Variants in LHPP observed in about 807,000 individuals in gnomAD.
The protein encoded by LHPP is phospholysine phosphohistidine inorganic pyrophosphate phosphatase.
LHPP carries 24 observed loss-of-function variants against 30.3 expected under a neutral mutation model. That is an observed-to-expected ratio of 0.79 (90% CI 0.57 to 1.11). LHPP has a LOEUF of 1.11. Ranked by LOEUF, LHPP falls within the 50% of genes most tolerant of loss-of-function variation. The pLI, the probability that LHPP is intolerant of heterozygous loss-of-function variation, is 0.00. For synonymous variants in LHPP, 150 were observed against 157.1 expected (o/e 0.95, Z 0.34); for missense variants, 356 against 367.2 (o/e 0.97, Z 0.25).
intron 5 of LHPP, among the ~76,000 whole-genome samples, chr10:124,516,950 A>G (rs1262306343): frequency 6.6e-6 from 1 of 152,096 alleles, no homozygotes. Context: ...ATTGATTTCA[A>G]ATTGCACAGA....
At position 124,478,736 on chromosome 10, in the gene LHPP, TG is replaced by T. The variant is rs2133836478; in HGVS notation, c.126-5402del. Among the ~76,000 whole-genome samples, 1 of 152,104 alleles carries T rather than the reference TG, an allele frequency of 6.6e-6. No homozygotes were observed. The highest frequency in any genetic ancestry group is 2.1e-4 in the South Asian group (1 of 4,818). ...AGAGGCTCGTCCTGGCCTGCTGAGA[TG>T]AGGTAAAGGTCAGTTCAAAGATCCA... On this transcript the variant is annotated intron_variant, in intron 1 of 6. Coordinates refer to ENST00000368842, the MANE Select transcript of LHPP (RefSeq NM_022126.4). The surrounding 1 kb of genome is among the most constrained non-coding windows in gnomAD (Gnocchi z 4.7).
rs1949231842 is a variant in LHPP, at chr10:124,613,546, C to A, written c.*186C>A. ...ACCAACCAAGGCCCTGACAGCCCTG[C>A]CTTCTGCCCTCTGCCCTGCATGGGC... On this transcript the variant is annotated 3_prime_UTR_variant, in exon 7 of 7. Coordinates refer to ENST00000368842, the MANE Select transcript of LHPP (RefSeq NM_022126.4). 3.2e-6 allele frequency: 2 copies of A among 622,842 alleles called. No individual in the cohort carries two copies. Among genetic ancestry groups the A allele is most frequent in the Admixed American group, 4.8e-5 (2 of 41,950 alleles). The allele number at this position is 622,842 out of a possible 1,614,324, so 38.6% of individuals were successfully genotyped here.
At chr10:124,559,800 C>A (rs1948362463) in intron 6 of LHPP, among the ~76,000 whole-genome samples, 1 of 152,258 alleles carries the variant, frequency 6.6e-6, no homozygotes, top group Admixed American at 6.5e-5. Flanking sequence ...CACAGGCCTT[C>A]CCTTGCAGGC....
At position 124,554,000 on chromosome 10, in the gene LHPP, C is replaced by T. The variant is rs1353286572; in HGVS notation, c.716+36729C>T. ...GAACTGGGCGCTCCTGTGGACAGCT[C>T]CATGTGAGTCTTCTTCGAGAGACTC... is the stretch of plus-strand genomic sequence containing the variant. On this transcript the variant is annotated intron_variant, in intron 6 of 6. Transcript: ENST00000368842. The T allele has an allele frequency of 1.0e-5, 10 of 985,314 alleles. No individual in the cohort carries two copies. In the East Asian group the frequency reaches 1.1e-3, roughly 112 times the overall value. 61.0% of individuals were successfully genotyped at this position (985,314 alleles called of 1,614,324 possible).
rs35603272 is a variant in LHPP, at chr10:124,484,326, G to A, written c.313G>A (p.Gly105Arg). The A allele has an allele frequency of 3.4e-4, 542 of 1,609,700 alleles. 1 individual carries two copies. The highest frequency in any genetic ancestry group is 1.5e-3 in the African/African-American group (113 of 74,970). Residue 105 changes from glycine (G) to arginine (R), a missense_variant and splice_region_variant, in exon 2 of 7, where the codon GGA (glycine) becomes AGA (arginine). By Grantham distance (125) the Gly-to-Arg change is moderately radical. Transcript: ENST00000368842. ...GLRPYLLIHD[G>R]VRSEFDQIDT... The stretch of plus-strand genomic sequence containing the variant: ...GCGACCATACCTGCTCATCCATGAC[G>A]GTAGGCCTGTCGGACACCAGGACCT...
In LHPP at chr10:124,510,903, C is replaced by T. The variant is rs1306263588; in HGVS notation, c.625-6277C>T. Among the ~76,000 whole-genome samples, 3 of 152,128 alleles carry T rather than the reference C, an allele frequency of 2.0e-5. No homozygotes were observed. Among genetic ancestry groups the T allele is most frequent in the Non-Finnish European group, 4.4e-5 (3 of 68,020 alleles). Reference sequence around the variant, plus strand: ...CGGCCCTGCTGCCAGATGCCAGCAGCCGTGGGGGCTTGCCCGGCCAGCCCT... The same window carrying T: ...CGGCCCTGCTGCCAGATGCCAGCAGTCGTGGGGGCTTGCCCGGCCAGCCCT... On this transcript the variant is annotated intron_variant, in intron 5 of 6. Transcript: ENST00000368842. This position sits in a 1 kb window ranked among gnomAD's most constrained non-coding sequence, Gnocchi z 4.0.
intron 6 of LHPP, among the ~76,000 whole-genome samples, chr10:124,528,943 C>T (rs1954812439): frequency 6.6e-6 from 1 of 152,002 alleles, no homozygotes; most frequent in Non-Finnish European, 1.5e-5. Flanking sequence ...GCCCTGGGGC[C>T]ACCACATAAC....
At chr10:124,606,694 G>A (rs11245312) in intron 6 of LHPP, among the ~76,000 whole-genome samples, 28,476 of 152,312 alleles carry the variant, frequency 0.19, 3,002 homozygotes, top group East Asian at 0.27. Context: ...GGACAGAGCA[G>A]GGTGCTCAGC....
At chr10:124,561,245 C>T (rs530607326) in intron 6 of LHPP, among the ~76,000 whole-genome samples, 1 of 152,310 alleles carries the variant, frequency 6.6e-6, no homozygotes, top group East Asian at 1.9e-4. Flanking sequence ...GTGGCCCCCT[C>T]AGCTACTCGT....
chr10:124,488,479 C>A lies in LHPP; in HGVS notation c.371C>A (p.Ala124Glu), dbSNP rs777093333. Residue 124 changes from alanine (A) to glutamate (E), a missense_variant, in exon 3 of 7, where the codon GCA becomes GAA. Physicochemically the swap from Ala to Glu is moderately radical, Grantham distance 107 (BLOSUM62 -1). Coordinates refer to ENST00000368842, the MANE Select transcript of LHPP (RefSeq NM_022126.4). ...DTSNPNCVVI[A>E]DAGESFSYQN... ...TCCAACCCAAACTGTGTGGTAATTG[C>A]AGACGCAGGAGAAAGCTTTTCTTAT... 9 of 1,613,768 alleles carry A rather than the reference C, an allele frequency of 5.6e-6. No individual in the cohort carries two copies. The Admixed American group carries it at 8.3e-5, about 15-fold the overall frequency.
intron 6 of LHPP, among the ~76,000 whole-genome samples, chr10:124,573,717 A>G (rs1317243180): frequency 2.6e-5 from 4 of 152,172 alleles, no homozygotes. Flanking sequence ...TTGCTGCCAC[A>G]TCATCATCCC....
chr10:124,577,065 C>T (rs934170453), intron 6 of LHPP, among the ~76,000 whole-genome samples: 4 of 152,192 alleles, frequency 2.6e-5, no homozygotes, highest in African/African-American at 7.2e-5. Context: ...TTTCCAGACC[C>T]TAGAAAGTAG....
rs941415862 is a variant in LHPP, at chr10:124,517,006, A to G, written c.625-174A>G. ...GGCCTACGGGGGCAGTGTGAGATAT[A>G]TTCAAGGTGGGTTGACTTTTAATCA... On this transcript the variant is annotated intron_variant, in intron 5 of 6. Transcript: ENST00000368842. The surrounding 1 kb of genome is among the most constrained non-coding windows in gnomAD (Gnocchi z 4.1). Among the ~76,000 whole-genome samples, 6 of 152,194 alleles carry G rather than the reference A, an allele frequency of 3.9e-5. No homozygotes were observed. The highest frequency in any genetic ancestry group is 8.8e-5 in the Non-Finnish European group (6 of 68,044).
At chr10:124,536,575 C>T (rs1955033635) in intron 6 of LHPP, among the ~76,000 whole-genome samples, 1 of 152,196 alleles carries the variant, frequency 6.6e-6, no homozygotes, top group East Asian at 1.9e-4. Flanking sequence ...TGCTGTGTAT[C>T]CCAGAGCCAG....
At chr10:124,557,405 G>A (rs575286295) in intron 6 of LHPP, among the ~76,000 whole-genome samples, 7 of 152,218 alleles carry the variant, frequency 4.6e-5, no homozygotes, top group Non-Finnish European at 8.8e-5. Flanking sequence ...GGTAACCTGG[G>A]TGAGCTACAA....
rs921230908 is a variant in LHPP at position 124,510,950 on chromosome 10, T to G, written c.625-6230T>G. Among the ~76,000 whole-genome samples, 3 of 152,182 alleles carry G rather than the reference T, an allele frequency of 2.0e-5. No homozygotes were observed. Among genetic ancestry groups the G allele is most frequent in the African/African-American group, 7.2e-5 (3 of 41,446 alleles). On this transcript the variant is annotated intron_variant, in intron 5 of 6. Coordinates refer to ENST00000368842, the MANE Select transcript of LHPP (RefSeq NM_022126.4). This position sits in a 1 kb window ranked among gnomAD's most constrained non-coding sequence, Gnocchi z 4.0. ...CCCTGGCTTTTCCCAACCCTCAGAG[T>G]GCCCCTTGTGCATGCAGCAGACACT...
At chr10:124,610,437 A>AGCGGGTGAGGGAGCGGGTGAGGG (rs1949161803) in intron 6 of LHPP, among the ~76,000 whole-genome samples, 1 of 36,258 alleles carries the variant, frequency 2.8e-5, no homozygotes, top group Non-Finnish European at 5.1e-5. Context: ...GAGGGTGCTG[A>AGCGGGTGAGGGAGCGGGTGAGGG]TGCAGCGGGT....
At chr10:124,509,177 A>C (rs1197536022) in intron 5 of LHPP, among the ~76,000 whole-genome samples, 1 of 152,166 alleles carries the variant, frequency 6.6e-6, no homozygotes, top group African/African-American at 2.4e-5. Context: ...CTCCAGTTCC[A>C]TCCCTGTAGC....
intron 6 of LHPP, among the ~76,000 whole-genome samples, chr10:124,535,455 G>A (rs1351999817): frequency 1.3e-5 from 2 of 152,312 alleles, no homozygotes; most frequent in Middle Eastern, 3.4e-3. Context: ...AGGCTGGAGT[G>A]CAGTGGTGCA....
Sources: allele counts gnomAD v4.1 joint callset (sites outside exome capture counted in the v4.1 genomes callset), GRCh38; gene constraint gnomAD v4.1.1; non-coding constraint Gnocchi (gnomAD v3.1); transcripts MANE v1.5; gene names NCBI Gene and HGNC (gene_info 2026-07-23, HGNC 2026-07-21).